Variants in GDNF observed in about 807,000 individuals in gnomAD.
GDNF encodes glial cell line-derived neurotrophic factor.
GDNF carries 5 observed loss-of-function variants against 13.7 expected under a neutral mutation model. The ratio of observed to expected loss-of-function variants is 0.36; its 90% CI spans 0.19 to 0.77. The LOEUF (loss-of-function observed/expected upper bound fraction) is 0.77, where lower values mean the gene tolerates loss of function less well. Ranked by LOEUF, GDNF falls within the 30% of genes least tolerant of loss-of-function variation. The pLI, the probability that GDNF is intolerant of heterozygous loss-of-function variation, is 0.51. For synonymous variants in GDNF, 122 were observed against 112.5 expected (o/e 1.08, Z -0.53); for missense variants, 246 against 274.3 (o/e 0.90, Z 0.73).
intron 2 of GDNF, among the ~76,000 whole-genome samples, chr5:37,821,707 G>A (rs940618487): frequency 2.6e-5 from 4 of 152,118 alleles, no homozygotes; most frequent in African/African-American, 4.8e-5. Context: ...ACAGTTCACC[G>A]CAAAGACTTT....
chr5:37,836,707 G>A (rs919206304), intron 1 of GDNF, among the ~76,000 whole-genome samples: 1 of 152,240 alleles, frequency 6.6e-6, no homozygotes, highest in African/African-American at 2.4e-5. Flanking sequence ...CGAAATGGCT[G>A]GCGGTCCGAC....
intron 2 of GDNF, among the ~76,000 whole-genome samples, chr5:37,830,975 T>C (rs1750505283): frequency 6.6e-6 from 1 of 152,220 alleles, no homozygotes; most frequent in African/African-American, 2.4e-5. Flanking sequence ...AGACTCTCAC[T>C]TAGTAATATT....
At chr5:37,830,550 T>C (rs1174051833) in intron 2 of GDNF, among the ~76,000 whole-genome samples, 1 of 152,206 alleles carries the variant, frequency 6.6e-6, no homozygotes, top group Non-Finnish European at 1.5e-5. Context: ...TCTCACTCGC[T>C]GTACTCTGTT....
intron 2 of GDNF, among the ~76,000 whole-genome samples, chr5:37,832,980 G>C (rs1750572726): frequency 6.6e-6 from 1 of 152,246 alleles, no homozygotes; most frequent in African/African-American, 2.4e-5. Flanking sequence ...TTGTGGAGTA[G>C]AAAGGCTTCT....
chr5:37,819,438 T>G (rs964614817), intron 2 of GDNF, among the ~76,000 whole-genome samples: 1 of 140,542 alleles, frequency 7.1e-6, no homozygotes, highest in Non-Finnish European at 1.5e-5. Context: ...AGGGAAGTGC[T>G]CTTTTCTTTT....
rs1387917458 is a variant in GDNF, at chr5:37,838,002, T to G, written c.-27+1505A>C. Reference sequence around the variant, plus strand: ...GGTTTGCTATAAACTCGGTTTTTTTTTTTTTTTTTTTGGCGGGGGGAGGTA... The same window carrying G: ...GGTTTGCTATAAACTCGGTTTTTTTGTTTTTTTTTTTGGCGGGGGGAGGTA... On this transcript the variant is annotated intron_variant, in intron 1 of 2. Coordinates refer to ENST00000326524, the MANE Select transcript of GDNF (RefSeq NM_000514.4). The surrounding 1 kb of genome is among the most constrained non-coding windows in gnomAD (Gnocchi z 4.1). 6.6e-6 allele frequency among the ~76,000 whole-genome samples: 1 copy of G among 151,332 alleles called. No homozygotes were observed. The highest frequency in any genetic ancestry group is 1.9e-4 in the East Asian group (1 of 5,180).
At position 37,838,526 on chromosome 5, in the gene GDNF, G is replaced by C. The variant is rs928077126; in HGVS notation, c.-27+981C>G. 1.7e-4 allele frequency among the ~76,000 whole-genome samples: 26 copies of C among 152,252 alleles called. No individual in the cohort carries two copies. Among genetic ancestry groups the C allele is most frequent in the Non-Finnish European group, 3.7e-4 (25 of 68,050 alleles). On this transcript the variant is annotated intron_variant, in intron 1 of 2. Coordinates refer to ENST00000326524, the MANE Select transcript of GDNF (RefSeq NM_000514.4). The surrounding 1 kb of genome is among the most constrained non-coding windows in gnomAD (Gnocchi z 4.1). Reference sequence around the variant, plus strand: ...TTGCCTTTGTCCCCGCCTATGAGCAGAAGGGTCGCGAGCTCTGGGATGGGT... The same window carrying C: ...TTGCCTTTGTCCCCGCCTATGAGCACAAGGGTCGCGAGCTCTGGGATGGGT...
chr5:37,834,564 G>T (rs998789346), intron 2 of GDNF, 82 bp downstream of exon 2: 7 of 1,241,244 alleles, frequency 5.6e-6, no homozygotes, highest in Middle Eastern at 2.8e-4. Context: ...AGGCTGGCTT[G>T]GGGTACGTGC....
At position 37,838,642 on chromosome 5, in the gene GDNF, GA is replaced by G. The variant is rs1750791902; in HGVS notation, c.-27+864del. On this transcript the variant is annotated intron_variant, in intron 1 of 2. Coordinates refer to ENST00000326524, the MANE Select transcript of GDNF (RefSeq NM_000514.4). The surrounding 1 kb of genome is among the most constrained non-coding windows in gnomAD (Gnocchi z 4.1). The stretch of plus-strand genomic sequence containing the variant: ...CCCCAGGAAGCTGGCGGGAACCCGC[GA>G]AAGTCCGTTTCCAGCCCGAAGAGGG... Among the ~76,000 whole-genome samples the G allele has an allele frequency of 6.6e-6, 1 of 152,186 alleles. No homozygotes were observed. Among genetic ancestry groups the G allele is most frequent in the South Asian group, 2.1e-4 (1 of 4,830 alleles).
In GDNF at chr5:37,816,014, C is replaced by A; in HGVS notation, c.273G>T (p.Arg91=). Residue 91 remains arginine, a synonymous_variant, in exon 3 of 3, where the codon CGG becomes CGT. Coordinates refer to ENST00000326524, the MANE Select transcript of GDNF (RefSeq NM_000514.4). ...GGTTGGCAGCTGCAGCCTGCCGATT[C>A]CGCTCTCTTCTAGGAAGCACTGCCA... is the stretch of plus-strand genomic sequence containing the variant. ...KQMAVLPRRE[R]NRQAAAANPE... 6.2e-7 allele frequency: 1 copy of A among 1,613,882 alleles called. No individual in the cohort carries two copies. The highest frequency in any genetic ancestry group is 8.5e-7 in the Non-Finnish European group (1 of 1,179,744).
intron 1 of GDNF, among the ~76,000 whole-genome samples, chr5:37,836,029 G>A (rs1024600683): frequency 1.6e-4 from 24 of 152,058 alleles, no homozygotes; most frequent in African/African-American, 5.3e-4. Context: ...GGGAAGAACC[G>A]AGGCATCTTG....
intron 2 of GDNF, among the ~76,000 whole-genome samples, chr5:37,826,216 T>C (rs1750308612): frequency 6.6e-6 from 1 of 152,214 alleles, no homozygotes; most frequent in Non-Finnish European, 1.5e-5. Flanking sequence ...CAGGTCAAAA[T>C]TAATATGATA....
chr5:37,817,435 A>G (rs1749972509), intron 2 of GDNF, among the ~76,000 whole-genome samples: 1 of 152,176 alleles, frequency 6.6e-6, no homozygotes, highest in African/African-American at 2.4e-5. Context: ...TGTCAGCAAG[A>G]GTAAATGTTT....
At chr5:37,829,648 T>C (rs2111697172) in intron 2 of GDNF, among the ~76,000 whole-genome samples, 1 of 151,740 alleles carries the variant, frequency 6.6e-6, no homozygotes. Context: ...TCCATGAGTG[T>C]TAAATAAACA....
At position 37,837,713 on chromosome 5, in the gene GDNF, A is replaced by C. The variant is rs1750759039; in HGVS notation, c.-27+1794T>G. ...GGAACCTGTGGAGGTCCTTACTGGC[A>C]TCTCTGCTTTTCAGGCTCCCACCCC... On this transcript the variant is annotated intron_variant, in intron 1 of 2. Transcript: ENST00000326524. This position sits in a 1 kb window ranked among gnomAD's most constrained non-coding sequence, Gnocchi z 6.5. Among the ~76,000 whole-genome samples, 1 of 152,058 alleles carries C rather than the reference A, an allele frequency of 6.6e-6. No homozygotes were observed. The highest frequency in any genetic ancestry group is 1.5e-5 in the Non-Finnish European group (1 of 68,018).
chr5:37,822,377 G>A (rs922206820), intron 2 of GDNF, among the ~76,000 whole-genome samples: 1 of 152,220 alleles, frequency 6.6e-6, no homozygotes, highest in African/African-American at 2.4e-5. Context: ...GCCTGGAAGG[G>A]TGAGGGCTAA....
chr5:37,828,871 T>C (rs1750423194), intron 2 of GDNF, among the ~76,000 whole-genome samples: 1 of 152,242 alleles, frequency 6.6e-6, no homozygotes, highest in Non-Finnish European at 1.5e-5. Context: ...TTTGGTTCAA[T>C]TGTGCCTATG....
At chr5:37,834,471 G>A (rs1320360739) in intron 2 of GDNF, among the ~76,000 whole-genome samples, 175 bp downstream of exon 2, 1 of 152,144 alleles carries the variant, frequency 6.6e-6, no homozygotes, top group Non-Finnish European at 1.5e-5. Context: ...CCAGGCGTGC[G>A]GGCAGCAGTG....
In GDNF at chr5:37,839,140, G is replaced by A. The variant is rs1165885176; in HGVS notation, c.-27+367C>T. Among the ~76,000 whole-genome samples the A allele has an allele frequency of 6.6e-6, 1 of 152,162 alleles. No homozygotes were observed. Among genetic ancestry groups the A allele is most frequent in the Non-Finnish European group, 1.5e-5 (1 of 68,030 alleles). ...ACGTCCAGAGAGGACACATTTCGAC[G>A]GCGGTGGGTTCGAAGATGACCCAAG... On this transcript the variant is annotated intron_variant, in intron 1 of 2. Coordinates refer to ENST00000326524, the MANE Select transcript of GDNF (RefSeq NM_000514.4). This position sits in a 1 kb window ranked among gnomAD's most constrained non-coding sequence, Gnocchi z 5.5.
Sources: gnomAD v4.1 joint callset for allele counts (sites outside exome capture counted in the v4.1 genomes callset) on GRCh38, gnomAD v4.1.1 for gene constraint, Gnocchi (gnomAD v3.1) non-coding constraint, MANE v1.5 for transcripts, NCBI Gene and HGNC (gene_info 2026-07-23, HGNC 2026-07-21) for gene names.